GALNT2: variants seen among roughly 807,000 people sequenced by gnomAD.
GALNT2 encodes the protein polypeptide N-acetylgalactosaminyltransferase 2.
A neutral mutation model predicts 81.4 loss-of-function variants in GALNT2; 31 were observed. The ratio of observed to expected loss-of-function variants is 0.38; its 90% CI spans 0.29 to 0.51. The LOEUF is 0.51. Among genes scored for constraint, GALNT2 ranks in the 20% least tolerant of loss-of-function variants. The pLI is 0.87. For missense variants in GALNT2, 629 were observed against 765.7 expected (o/e 0.82, Z 2.11); for synonymous variants, 303 against 287.4 (o/e 1.05, Z -0.55).
intron 1 of GALNT2, among the ~76,000 whole-genome samples, chr1:230,163,255 C>T (rs1366969179): frequency 2.0e-5 from 3 of 152,224 alleles, no homozygotes; most frequent in Non-Finnish European, 4.4e-5. Context: ...ATCCAGGCCC[C>T]ACTTGGAACA....
chr1:230,072,611 G>C (rs1659408789), intron 1 of GALNT2, among the ~76,000 whole-genome samples: 1 of 152,176 alleles, frequency 6.6e-6, no homozygotes, highest in African/African-American at 2.4e-5. Context: ...GCTCTGCATG[G>C]GTGATGCTGA....
intron 1 of GALNT2, among the ~76,000 whole-genome samples, chr1:230,168,155 GGA>G (rs1404090817): frequency 4.0e-5 from 6 of 148,526 alleles, no homozygotes; most frequent in Non-Finnish European, 3.0e-5. Context: ...GTTAGAAAAT[GGA>G]GCCATAAAAG....
At chr1:230,141,327 C>A (rs1401558311) in intron 1 of GALNT2, among the ~76,000 whole-genome samples, 1 of 152,194 alleles carries the variant, frequency 6.6e-6, no homozygotes, top group African/African-American at 2.4e-5. Context: ...TGGTAAAATA[C>A]ATACATCATA....
chr1:230,065,598 T>C (rs1399257898), upstream of GALNT2, among the ~76,000 whole-genome samples: 1 of 152,224 alleles, frequency 6.6e-6, no homozygotes, highest in Non-Finnish European at 1.5e-5. Context: ...TTTTGCAGAA[T>C]CTTTAAATGC....
chr1:230,250,378 G>C (rs1232854187), intron 9 of GALNT2, 79 bp from the exon 10 acceptor site: 1 of 1,012,330 alleles, frequency 9.9e-7, no homozygotes, highest in African/African-American at 1.6e-5. Flanking sequence ...TCAAGGCTTG[G>C]CCTTGGCGCA....
chr1:230,180,752 A>AT (rs1663134215), intron 2 of GALNT2, among the ~76,000 whole-genome samples: 1 of 152,102 alleles, frequency 6.6e-6, no homozygotes, highest in Non-Finnish European at 1.5e-5. Context: ...AATGTCAAAT[A>AT]TTTTTTCATT....
intron 3 of GALNT2, among the ~76,000 whole-genome samples, chr1:230,216,758 A>G (rs1350199202): frequency 6.6e-6 from 1 of 152,164 alleles, no homozygotes; most frequent in Non-Finnish European, 1.5e-5. Flanking sequence ...TGTTAATGGT[A>G]GAACCTATGA....
chr1:230,187,809 C>T (rs1663382847), intron 2 of GALNT2, among the ~76,000 whole-genome samples: 1 of 152,156 alleles, frequency 6.6e-6, no homozygotes, highest in African/African-American at 2.4e-5. Flanking sequence ...TGTCCCCAGC[C>T]AAACTCTTCT....
chr1:230,147,368 G>A (rs1661953256), intron 1 of GALNT2, among the ~76,000 whole-genome samples: 1 of 152,200 alleles, frequency 6.6e-6, no homozygotes, highest in South Asian at 2.1e-4. Flanking sequence ...CTAGCTGAAA[G>A]CCGCCTACTT....
At chr1:230,251,504 T>G (rs1418284452) in intron 10 of GALNT2, among the ~76,000 whole-genome samples, 1 of 152,226 alleles carries the variant, frequency 6.6e-6, no homozygotes, top group Non-Finnish European at 1.5e-5. Context: ...GGTTTGATGT[T>G]GAAAGCTTCT....
intron 2 of GALNT2, among the ~76,000 whole-genome samples, chr1:230,178,795 A>T (rs903815971): frequency 4.6e-5 from 7 of 152,006 alleles, no homozygotes; most frequent in Non-Finnish European, 8.8e-5. Context: ...TCTGTAGTTG[A>T]CATTAGGGTT....
rs186408592 is a variant in GALNT2 at position 230,213,601 on chromosome 1, G to A, written c.374+10311G>A. ...CTGTGACAATCTTTATCTTTTATAT[G>A]GTGTATTTAGTTCTTTTACATTTAA... is the stretch of plus-strand genomic sequence containing the variant. On this transcript the variant is annotated intron_variant, in intron 3 of 15. Coordinates refer to ENST00000366672, the MANE Select transcript of GALNT2 (RefSeq NM_004481.5). Among the ~76,000 whole-genome samples the A allele has an allele frequency of 3.9e-4, 60 of 152,178 alleles. 1 individual carries two copies. Among genetic ancestry groups the A allele is most frequent in the Admixed American group, 3.6e-3 (55 of 15,290 alleles).
chr1:230,132,537 C>G (rs1054892342), intron 1 of GALNT2, among the ~76,000 whole-genome samples: 2 of 152,130 alleles, frequency 1.3e-5, no homozygotes, highest in African/African-American at 4.8e-5. Context: ...CCAGGCCTTG[C>G]TGAGAATGTG....
intron 1 of GALNT2, among the ~76,000 whole-genome samples, chr1:230,085,010 A>C (rs1659856878): frequency 6.6e-6 from 1 of 152,144 alleles, no homozygotes; most frequent in Non-Finnish European, 1.5e-5. Flanking sequence ...CTAAAGGTGG[A>C]GGTGCCATTT....
intron 1 of GALNT2, among the ~76,000 whole-genome samples, chr1:230,160,632 T>G (rs1008764157): frequency 6.6e-6 from 1 of 151,198 alleles, no homozygotes; most frequent in African/African-American, 2.4e-5. Flanking sequence ...GAGAATTGCT[T>G]AAACCCAGGA....
chr1:230,212,975 G>C (rs914017436), intron 3 of GALNT2, among the ~76,000 whole-genome samples: 1 of 152,110 alleles, frequency 6.6e-6, no homozygotes, highest in Non-Finnish European at 1.5e-5. Context: ...TCTCTGAAGG[G>C]CCCGTTTCAA....
intron 1 of GALNT2, among the ~76,000 whole-genome samples, chr1:230,160,868 T>G (rs1463925741): frequency 6.9e-6 from 1 of 144,570 alleles, no homozygotes; most frequent in Non-Finnish European, 1.5e-5. Flanking sequence ...CCAAATAGGG[T>G]TTTTTTTGGT....
At chr1:230,246,807 T>G (rs1665385773) in intron 8 of GALNT2, among the ~76,000 whole-genome samples, 3 of 152,120 alleles carry the variant, frequency 2.0e-5, no homozygotes, top group Non-Finnish European at 4.4e-5. Context: ...CCAAGAGCAC[T>G]TTGTCTGTTT....
intron 10 of GALNT2, among the ~76,000 whole-genome samples, chr1:230,251,593 A>G (rs1235542766): frequency 6.6e-6 from 1 of 152,192 alleles, no homozygotes; most frequent in African/African-American, 2.4e-5. Flanking sequence ...AAAATGATAC[A>G]TTAACCTCTA....
Sources: allele counts gnomAD v4.1 joint callset (sites outside exome capture counted in the v4.1 genomes callset), GRCh38; gene constraint gnomAD v4.1.1; transcripts MANE v1.5; gene names NCBI Gene and HGNC (gene_info 2026-07-23, HGNC 2026-07-21).